SEMA3A: variants seen among roughly 807,000 people sequenced by gnomAD.
The protein encoded by SEMA3A is semaphorin-3A.
A neutral mutation model predicts 97.9 loss-of-function variants in SEMA3A; 29 were observed. That is an observed-to-expected ratio of 0.30 (90% CI 0.22 to 0.40). The LOEUF (loss-of-function observed/expected upper bound fraction) is 0.40. SEMA3A is among the 10% of genes least tolerant of loss of function. The pLI, the probability that SEMA3A is intolerant of heterozygous loss-of-function variation, is 1.00. For synonymous variants in SEMA3A, 321 were observed against 323.7 expected (o/e 0.99, Z 0.09); for missense variants, 763 against 951.3 (o/e 0.80, Z 2.60).
At chr7:84,136,292 T>C (rs10268747) in intron 1 of SEMA3A, among the ~76,000 whole-genome samples, 137,600 of 152,180 alleles carry the variant, frequency 0.9, 62,249 homozygotes, top group East Asian at 0.96. Context: ...GCCATGTGAT[T>C]GATTGCCTTG....
At chr7:84,365,395 C>T (rs1426601393) in intron 2 of SEMA3A, among the ~76,000 whole-genome samples, 1 of 151,516 alleles carries the variant, frequency 6.6e-6, no homozygotes, top group Non-Finnish European at 1.5e-5. Flanking sequence ...TTATAATGCC[C>T]ACTCTATACT....
At chr7:84,110,667 G>A in intron 3 of SEMA3A, 78 bp from the exon 4 acceptor site, 1 of 1,456,482 alleles carries the variant, frequency 6.9e-7, no homozygotes, top group East Asian at 2.4e-5. Flanking sequence ...AGGCATGCTG[G>A]AACAGATTTG....
intron 1 of SEMA3A, among the ~76,000 whole-genome samples, chr7:84,143,447 A>T (rs2116081398): frequency 6.8e-6 from 1 of 146,420 alleles, no homozygotes; most frequent in Non-Finnish European, 1.5e-5. Flanking sequence ...GTAGGATAGA[A>T]TTAATAAGCA....
chr7:84,176,364 A>C (rs1299580083), intron 1 of SEMA3A, among the ~76,000 whole-genome samples: 1 of 152,158 alleles, frequency 6.6e-6, no homozygotes, highest in Admixed American at 6.5e-5. Context: ...TATGTTTTCT[A>C]TTGGGATTTC....
upstream of SEMA3A, among the ~76,000 whole-genome samples, chr7:84,199,698 AG>A (rs1166643880): frequency 6.6e-6 from 1 of 152,122 alleles, no homozygotes; most frequent in Non-Finnish European, 1.5e-5. Flanking sequence ...TTTTTAATGA[AG>A]GTTTTTCTAT....
At position 84,133,994 on chromosome 7, in the gene SEMA3A, A is replaced by G. The variant is rs753214911; in HGVS notation, c.270+800T>C. On this transcript the variant is annotated intron_variant, in intron 2 of 16. Coordinates refer to ENST00000265362, the MANE Select transcript of SEMA3A (RefSeq NM_006080.3). ...GGAGAATGGCGTGAACCTGGGAGGC[A>G]GAGTTGCAGTGAGCCAAGATCGCGC... 2.5e-4 allele frequency among the ~76,000 whole-genome samples: 38 copies of G among 151,936 alleles called. No homozygotes were observed. In the East Asian group the frequency reaches 4.7e-3, roughly 19 times the overall value.
intron 1 of SEMA3A, among the ~76,000 whole-genome samples, chr7:84,392,680 A>C (rs2116180373): frequency 6.6e-6 from 1 of 152,290 alleles, no homozygotes; most frequent in South Asian, 2.1e-4. Flanking sequence ...TCTCATCAAC[A>C]GCATCCACAT....
chr7:84,235,393 T>C (rs1406290311), intron 3 of SEMA3A, among the ~76,000 whole-genome samples: 3 of 152,058 alleles, frequency 2.0e-5, no homozygotes, highest in Non-Finnish European at 4.4e-5. Flanking sequence ...ATGTATTTTG[T>C]AGTTTGGAAA....
chr7:84,228,428 A>G (rs1163444199), intron 3 of SEMA3A, among the ~76,000 whole-genome samples: 1 of 151,982 alleles, frequency 6.6e-6, no homozygotes. Context: ...AATAGACTAT[A>G]TATATGCTGA....
At chr7:84,371,770 C>T (rs1374591037) in intron 2 of SEMA3A, 6 of 151,896 alleles carry the variant, frequency 4.0e-5, no homozygotes, top group African/African-American at 1.4e-4. Flanking sequence ...TAAAGTCAAA[C>T]ACCAAGCAAA....
intron 6 of SEMA3A, among the ~76,000 whole-genome samples, chr7:84,025,858 G>C (rs1016825178): frequency 1.3e-5 from 2 of 152,178 alleles, no homozygotes; most frequent in Non-Finnish European, 2.9e-5. Context: ...GGCAGAGCCA[G>C]GGCATAACAA....
At chr7:84,400,154 G>A (rs1803861881) in intron 1 of SEMA3A, among the ~76,000 whole-genome samples, 1 of 152,132 alleles carries the variant, frequency 6.6e-6, no homozygotes, top group Non-Finnish European at 1.5e-5. Context: ...ATTCTTGGAA[G>A]GCCTCTGAAG....
intron 3 of SEMA3A, among the ~76,000 whole-genome samples, chr7:84,220,770 T>G (rs1200307619): frequency 6.6e-6 from 1 of 152,144 alleles, no homozygotes; most frequent in African/African-American, 2.4e-5. Context: ...ACCCATGCTC[T>G]AATCAGACGT....
chr7:84,031,937 A>T (rs1187138018), intron 6 of SEMA3A, among the ~76,000 whole-genome samples: 1 of 152,246 alleles, frequency 6.6e-6, no homozygotes, highest in Non-Finnish European at 1.5e-5. Flanking sequence ...ACAGATAAAA[A>T]CATTGGTATT....
chr7:84,195,581 G>C (rs1798205502), upstream of SEMA3A: 1 of 152,066 alleles, frequency 6.6e-6, no homozygotes, highest in South Asian at 2.1e-4. Context: ...TTTCAGGGAA[G>C]AAATTCCTAC....
intron 3 of SEMA3A, among the ~76,000 whole-genome samples, chr7:84,288,018 T>C (rs901862754): frequency 4.6e-5 from 7 of 152,222 alleles, no homozygotes; most frequent in South Asian, 2.1e-4. Flanking sequence ...GTAGATACAA[T>C]GTGTAGTCCA....
At chr7:84,405,509 A>G (rs1804054432) in intron 1 of SEMA3A, among the ~76,000 whole-genome samples, 1 of 152,188 alleles carries the variant, frequency 6.6e-6, no homozygotes, top group Admixed American at 6.5e-5. Flanking sequence ...TAACAAGGAT[A>G]TCCAGGAATT....
chr7:84,152,331 G>A (rs1172077717), intron 1 of SEMA3A, among the ~76,000 whole-genome samples: 1 of 137,932 alleles, frequency 7.2e-6, no homozygotes, highest in South Asian at 2.4e-4. Context: ...AGAAAATGTG[G>A]CACATATACA....
chr7:84,068,285 AG>A (rs944039375), intron 4 of SEMA3A, among the ~76,000 whole-genome samples: 4 of 120,062 alleles, frequency 3.3e-5, no homozygotes, highest in Non-Finnish European at 5.2e-5. Flanking sequence ...GGGTGGGGTG[AG>A]GGGGGAGGGA....
Sources: allele counts gnomAD v4.1 joint callset (sites outside exome capture counted in the v4.1 genomes callset), GRCh38; gene constraint gnomAD v4.1.1; transcripts MANE v1.5; gene names NCBI Gene and HGNC (gene_info 2026-07-23, HGNC 2026-07-21).